Variants in UBE2E3 observed in about 807,000 individuals in gnomAD.
UBE2E3 encodes the protein ubiquitin conjugating enzyme E2 E3, also known as ubiquitin-conjugating enzyme E2 E3.
UBE2E3 carries 5 observed loss-of-function variants against 23.6 expected under a neutral mutation model. The observed-to-expected ratio is 0.21, with a 90% CI of 0.11 to 0.44. The LOEUF (loss-of-function observed/expected upper bound fraction) is 0.44. UBE2E3 is among the 20% of genes least tolerant of loss of function. UBE2E3 has a pLI of 0.99. For missense variants in UBE2E3, 81 were observed against 249.8 expected (o/e 0.32, Z 4.55); for synonymous variants, 78 against 87.5 (o/e 0.89, Z 0.60).
At chr2:181,048,326 A>C (rs1262578086) in intron 3 of UBE2E3, among the ~76,000 whole-genome samples, 1 of 152,138 alleles carries the variant, frequency 6.6e-6, no homozygotes, top group African/African-American at 2.4e-5. Flanking sequence ...AATCGTAGAC[A>C]CTCAATAACT....
chr2:181,017,287 A>G (rs1042738499), intron 3 of UBE2E3, among the ~76,000 whole-genome samples: 1 of 152,210 alleles, frequency 6.6e-6, no homozygotes, highest in African/African-American at 2.4e-5. Context: ...GTGCAGGTAA[A>G]GGCTGAGGTC....
chr2:180,987,386 T>A, intron 3 of UBE2E3: 5 of 1,549,974 alleles, frequency 3.2e-6, no homozygotes, highest in Non-Finnish European at 4.4e-6. Flanking sequence ...ACAGCGAAAG[T>A]TTAGAAAGGT....
At chr2:180,994,553 A>G (rs1684770759) in intron 3 of UBE2E3, among the ~76,000 whole-genome samples, 1 of 152,170 alleles carries the variant, frequency 6.6e-6, no homozygotes, top group Non-Finnish European at 1.5e-5. Context: ...GTAATCAGTC[A>G]TTGTTTAGGT....
intron 3 of UBE2E3, among the ~76,000 whole-genome samples, chr2:181,028,363 T>C (rs1404511466): frequency 6.6e-6 from 1 of 152,074 alleles, no homozygotes; most frequent in Admixed American, 6.5e-5. Flanking sequence ...ACAATCGTAC[T>C]GTGAAGATTA....
intron 3 of UBE2E3, among the ~76,000 whole-genome samples, chr2:180,988,900 A>T (rs764196397): frequency 6.6e-6 from 1 of 152,026 alleles, no homozygotes; most frequent in Middle Eastern, 3.4e-3. Context: ...TTTATTTTCA[A>T]TTCTTCAAAA....
intron 3 of UBE2E3, among the ~76,000 whole-genome samples, chr2:181,048,899 A>T (rs1043815608): frequency 6.6e-6 from 1 of 152,088 alleles, no homozygotes; most frequent in African/African-American, 2.4e-5. Context: ...ATATAATTAA[A>T]TTTGTTCTGC....
intron 3 of UBE2E3, among the ~76,000 whole-genome samples, chr2:181,045,139 T>C (rs573257454): frequency 2.0e-5 from 3 of 152,168 alleles, no homozygotes; most frequent in Non-Finnish European, 4.4e-5. Flanking sequence ...ATAATCTACT[T>C]TTTAAAGACA....
intron 3 of UBE2E3, 70 bp from the exon 4 acceptor site, chr2:181,057,623 C>G (rs1365818390): frequency 1.5e-6 from 2 of 1,324,828 alleles, no homozygotes; most frequent in African/African-American, 1.5e-5. Flanking sequence ...TTTAACACTT[C>G]CCTGGTTTTA....
intron 3 of UBE2E3, among the ~76,000 whole-genome samples, chr2:181,053,526 T>G (rs760064700): frequency 4.0e-5 from 6 of 151,804 alleles, no homozygotes; most frequent in Admixed American, 1.3e-4. Flanking sequence ...TAAAATTTAT[T>G]TGTATTTTTT....
In UBE2E3 at chr2:180,998,093, C is replaced by G. The variant is rs570018862; in HGVS notation, c.245+14000C>G. On this transcript the variant is annotated intron_variant, in intron 3 of 5. Coordinates refer to ENST00000410062, the MANE Select transcript of UBE2E3 (RefSeq NM_006357.4). ...AGTTGAAAGTAGTTCTGAAACTTGCCAGACTCAAAGTGTAGAGCACAACAG... is the reference window on the plus strand; with the variant it reads ...AGTTGAAAGTAGTTCTGAAACTTGCGAGACTCAAAGTGTAGAGCACAACAG... Among the ~76,000 whole-genome samples the G allele has an allele frequency of 3.3e-5, 5 of 152,216 alleles. No individual in the cohort carries two copies. In the East Asian group the frequency reaches 9.6e-4, roughly 29 times the overall value.
intron 3 of UBE2E3, among the ~76,000 whole-genome samples, chr2:181,018,023 A>G (rs995110065): frequency 6.6e-6 from 1 of 150,850 alleles, no homozygotes; most frequent in Non-Finnish European, 1.5e-5. Flanking sequence ...CTAGAAGACC[A>G]CCCTAATTTT....
chr2:180,988,370 G>A (rs749772519), intron 3 of UBE2E3, among the ~76,000 whole-genome samples: 8 of 152,016 alleles, frequency 5.3e-5, no homozygotes, highest in African/African-American at 1.2e-4. Flanking sequence ...AGGAACTTGC[G>A]TAAAAAAGAA....
chr2:180,989,814 C>G (rs1684600702), intron 3 of UBE2E3: 1 of 1,449,892 alleles, frequency 6.9e-7, no homozygotes, highest in Middle Eastern at 1.8e-4. Flanking sequence ...CCTCTCATAA[C>G]CAATTAGTAC....
At chr2:181,037,582 G>C (rs1686336972) in intron 3 of UBE2E3, among the ~76,000 whole-genome samples, 1 of 152,034 alleles carries the variant, frequency 6.6e-6, no homozygotes, top group Non-Finnish European at 1.5e-5. Context: ...CAAATACAAA[G>C]GAAAATATTT....
At chr2:181,044,955 T>C (rs914247514) in intron 3 of UBE2E3, among the ~76,000 whole-genome samples, 2 of 152,202 alleles carry the variant, frequency 1.3e-5, no homozygotes, top group African/African-American at 2.4e-5. Context: ...TGTTAGAATT[T>C]AAAGTCAGAG....
chr2:180,987,274 A>G, intron 3 of UBE2E3: 1 of 1,520,472 alleles, frequency 6.6e-7, no homozygotes, highest in Non-Finnish European at 8.9e-7. Context: ...ATTTATTGAG[A>G]ATTGTTGACT....
intron 3 of UBE2E3, among the ~76,000 whole-genome samples, chr2:181,031,046 T>C (rs569485440): frequency 6.6e-6 from 1 of 152,316 alleles, no homozygotes; most frequent in Admixed American, 6.5e-5. Context: ...GGGTTCTTAA[T>C]TTTTAGCTTT....
chr2:181,033,669 A>G (rs891915205), intron 3 of UBE2E3, among the ~76,000 whole-genome samples: 1 of 152,218 alleles, frequency 6.6e-6, no homozygotes, highest in Non-Finnish European at 1.5e-5. Flanking sequence ...CAAAAGCCAA[A>G]ATAGACAAAT....
At chr2:180,992,361 G>A (rs1262055821) in intron 3 of UBE2E3, among the ~76,000 whole-genome samples, 1 of 152,100 alleles carries the variant, frequency 6.6e-6, no homozygotes, top group African/African-American at 2.4e-5. Context: ...TACTTTGGAT[G>A]TATTTTGCCT....
Sources: gnomAD v4.1 joint callset for allele counts (sites outside exome capture counted in the v4.1 genomes callset) on GRCh38, gnomAD v4.1.1 for gene constraint, MANE v1.5 for transcripts, NCBI Gene and HGNC (gene_info 2026-07-23, HGNC 2026-07-21) for gene names.